Variants in ADRA1A observed in about 807,000 individuals in gnomAD.
ADRA1A encodes alpha-1A adrenergic receptor.
ADRA1A carries 31 observed loss-of-function variants against 29.6 expected under a neutral mutation model. The ratio of observed to expected loss-of-function variants is 1.05; its 90% CI spans 0.79 to 1.41. The LOEUF is 1.41. Among genes scored for constraint, ADRA1A ranks in the 40% most tolerant of loss-of-function variants. The pLI, the probability that ADRA1A is intolerant of heterozygous loss-of-function variation, is 0.00. For missense variants in ADRA1A, 619 were observed against 601.1 expected (o/e 1.03, Z -0.31); for synonymous variants, 311 against 254.3 (o/e 1.22, Z -2.12).
At chr8:26,846,101 A>T (rs957655269) in intron 2 of ADRA1A, among the ~76,000 whole-genome samples, 2 of 152,246 alleles carry the variant, frequency 1.3e-5, no homozygotes, top group Admixed American at 1.3e-4. Flanking sequence ...TTACAATTAA[A>T]ACAAAGTGAG....
chr8:26,858,273 A>T (rs1348672481), intron 2 of ADRA1A, among the ~76,000 whole-genome samples: 2 of 152,214 alleles, frequency 1.3e-5, no homozygotes, highest in East Asian at 3.8e-4. Flanking sequence ...ATCAGATAAC[A>T]TATCCAGAAT....
chr8:26,813,489 T>TATCCATCCATCC (rs35199156), intron 2 of ADRA1A, among the ~76,000 whole-genome samples: 11 of 149,816 alleles, frequency 7.3e-5, no homozygotes, highest in African/African-American at 1.7e-4. Context: ...CTCTTGCATC[T>TATCCATCCATCC]ATCCATCCAT....
chr8:26,761,284 A>G (rs1305449814), downstream of ADRA1A, among the ~76,000 whole-genome samples: 2 of 152,248 alleles, frequency 1.3e-5, no homozygotes, highest in African/African-American at 2.4e-5. Flanking sequence ...GGCTGAATTT[A>G]AACTTCTAAT....
In ADRA1A at chr8:26,775,134, G is replaced by A. The variant is rs1806453507; in HGVS notation, c.884-4468C>T. Among the ~76,000 whole-genome samples the A allele has an allele frequency of 6.6e-6, 1 of 152,198 alleles. No homozygotes were observed. The highest frequency in any genetic ancestry group is 1.5e-5 in the Non-Finnish European group (1 of 68,042). On this transcript the variant is annotated intron_variant, in intron 2 of 2. Coordinates refer to ENST00000380573, the MANE Select transcript of ADRA1A (RefSeq NM_000680.4). This position sits in a 1 kb window ranked among gnomAD's most constrained non-coding sequence, Gnocchi z 4.1. Reference sequence around the variant, plus strand: ...ACGGAGCTCCAGAATCCAGTAAAATGCTAGAGTCTTGAAGGCATTCTCCTA... The same window carrying A: ...ACGGAGCTCCAGAATCCAGTAAAATACTAGAGTCTTGAAGGCATTCTCCTA...
chr8:26,858,292 G>A (rs1002770066), intron 2 of ADRA1A, among the ~76,000 whole-genome samples: 9 of 152,194 alleles, frequency 5.9e-5, no homozygotes, highest in African/African-American at 9.6e-5. Context: ...ATTCAGACAC[G>A]TAACTATGTT....
At chr8:26,839,121 G>A (rs1392436882) in intron 2 of ADRA1A, among the ~76,000 whole-genome samples, 1 of 151,952 alleles carries the variant, frequency 6.6e-6, no homozygotes, top group African/African-American at 2.4e-5. Flanking sequence ...AGTAATAAGG[G>A]TGCTAGTTAA....
intron 2 of ADRA1A, among the ~76,000 whole-genome samples, chr8:26,794,380 C>G (rs1473408392): frequency 6.6e-6 from 1 of 152,054 alleles, no homozygotes; most frequent in Admixed American, 6.6e-5. Context: ...CTGTGTGGTT[C>G]TTCTGGCCTC....
At chr8:26,800,763 G>T (rs143279905) in intron 2 of ADRA1A, among the ~76,000 whole-genome samples, 5 of 152,122 alleles carry the variant, frequency 3.3e-5, no homozygotes, top group African/African-American at 9.6e-5. Flanking sequence ...ATTGTATGGG[G>T]CCAGTATTAC....
chr8:26,841,530 C>G lies in ADRA1A; in HGVS notation c.883+22557G>C, dbSNP rs533070826. 1.1e-4 allele frequency among the ~76,000 whole-genome samples: 17 copies of G among 152,296 alleles called. No homozygotes were observed. Among genetic ancestry groups the G allele is most frequent in the Admixed American group, 8.5e-4 (13 of 15,296 alleles). On this transcript the variant is annotated intron_variant, in intron 2 of 2. Transcript: ENST00000380573. The surrounding 1 kb of genome is among the most constrained non-coding windows in gnomAD (Gnocchi z 4.4). ...AAAAAAACAAAAACAAAATTGGACC[C>G]TTGGTGGAGCCCTTGATGGCGACAG...
At chr8:26,751,894 G>C (rs1487391146), downstream of ADRA1A, among the ~76,000 whole-genome samples, 1 of 152,176 alleles carries the variant, frequency 6.6e-6, no homozygotes, top group African/African-American at 2.4e-5. Context: ...TGCTGCTAAG[G>C]GGCATGGGTG....
chr8:26,854,802 C>T (rs1199423934), intron 2 of ADRA1A, among the ~76,000 whole-genome samples: 1 of 152,206 alleles, frequency 6.6e-6, no homozygotes, highest in Non-Finnish European at 1.5e-5. Flanking sequence ...AGGCCCTGTG[C>T]TGTGGTCTGA....
chr8:26,849,320 A>C (rs2130735294), intron 2 of ADRA1A, among the ~76,000 whole-genome samples: 1 of 152,338 alleles, frequency 6.6e-6, no homozygotes, highest in South Asian at 2.1e-4. Context: ...TGTCAAAGGT[A>C]AATCTCAATG....
chr8:26,837,565 C>T (rs972343903), intron 2 of ADRA1A, among the ~76,000 whole-genome samples: 14 of 151,492 alleles, frequency 9.2e-5, no homozygotes, highest in African/African-American at 2.2e-4. Flanking sequence ...GCACAAGAAT[C>T]GCTTGAGCCT....
rs756330556 is a variant in ADRA1A, at chr8:26,864,826, G to T, written c.144C>A (p.Ile48=). The T allele has an allele frequency of 6.2e-7, 1 of 1,614,138 alleles. No homozygotes were observed. The highest frequency in any genetic ancestry group is 1.7e-5 in the Admixed American group (1 of 60,024). ...GGTGTCGGTGACAGGCTACGGAGAG[G>T]ATCACTAGGATGTTACCCAGCACCC... ...LFGVLGNILV[I]LSVACHRHLH... is the part of the protein sequence containing the mutation. Residue 48 remains isoleucine, a synonymous_variant, in exon 2 of 3, where the codon ATC becomes ATA. Coordinates refer to ENST00000380573, the MANE Select transcript of ADRA1A (RefSeq NM_000680.4). The surrounding 1 kb of genome is among the most constrained non-coding windows in gnomAD (Gnocchi z 8.1).
At chr8:26,826,548 A>G (rs1810586683) in intron 2 of ADRA1A, among the ~76,000 whole-genome samples, 1 of 152,268 alleles carries the variant, frequency 6.6e-6, no homozygotes, top group Non-Finnish European at 1.5e-5. Context: ...TTGATTTTAA[A>G]GAAATAGAAA....
chr8:26,757,217 G>T, intron 2 of ADRA1A: 1 of 695,946 alleles, frequency 1.4e-6, no homozygotes, highest in South Asian at 1.5e-5. Flanking sequence ...AAACAAGTTT[G>T]AGATTCTGAG....
chr8:26,808,756 C>T (rs993431967), intron 2 of ADRA1A, among the ~76,000 whole-genome samples: 4 of 152,220 alleles, frequency 2.6e-5, no homozygotes, highest in African/African-American at 9.7e-5. Context: ...ACTCTACATC[C>T]ATTGGGTGTA....
downstream of ADRA1A, among the ~76,000 whole-genome samples, chr8:26,768,139 C>T (rs61759736): frequency 1.0e-3 from 152 of 152,026 alleles, 1 homozygote; most frequent in Non-Finnish European, 2.8e-4. Context: ...ATAACAAAAC[C>T]CAAATCCACA....
downstream of ADRA1A, among the ~76,000 whole-genome samples, chr8:26,761,568 G>A (rs1337096977): frequency 6.6e-6 from 1 of 152,242 alleles, no homozygotes; most frequent in Non-Finnish European, 1.5e-5. Context: ...AAGACACAGG[G>A]AGAAGATATC....
Sources: allele counts gnomAD v4.1 joint callset (sites outside exome capture counted in the v4.1 genomes callset), GRCh38; gene constraint gnomAD v4.1.1; non-coding constraint Gnocchi (gnomAD v3.1); transcripts MANE v1.5; gene names NCBI Gene and HGNC (gene_info 2026-07-23, HGNC 2026-07-21).